Variants in TFB1M observed in about 807,000 individuals in gnomAD.
TFB1M encodes dimethyladenosine transferase 1, mitochondrial.
A neutral mutation model predicts 31.1 loss-of-function variants in TFB1M; 27 were observed. That is an observed-to-expected ratio of 0.87 (90% CI 0.64 to 1.20). The LOEUF (loss-of-function observed/expected upper bound fraction) is 1.20, where lower values mean the gene tolerates loss of function less well. Among genes scored for constraint, TFB1M ranks in the 50% most tolerant of loss-of-function variants. The pLI is 0.00. For missense variants in TFB1M, 394 were observed against 418.7 expected (o/e 0.94, Z 0.51); for synonymous variants, 166 against 151.8 (o/e 1.09, Z -0.69).
At chr6:155,270,200 G>A (rs1784857341) in intron 5 of TFB1M, among the ~76,000 whole-genome samples, 1 of 152,210 alleles carries the variant, frequency 6.6e-6, no homozygotes, top group Non-Finnish European at 1.5e-5. Flanking sequence ...AGAACAGTTT[G>A]GGAATGGTCA....
Position 155,257,642 on chromosome 6 carries a change from T to C in TFB1M, c.*194A>G. On this transcript the variant is annotated 3_prime_UTR_variant, in exon 7 of 7. Transcript: ENST00000367166. ...TCATAACTATCTATACAGTATATAT[T>C]AAAAGAAAGCTTGTACTGTATCTTA... 1 of 617,454 alleles carries C rather than the reference T, an allele frequency of 1.6e-6. No individual in the cohort carries two copies. Among genetic ancestry groups the C allele is most frequent in the South Asian group, 2.0e-5 (1 of 50,124 alleles). The allele number at this position is 617,454 out of a possible 1,614,324, so 38.2% of individuals were successfully genotyped here.
the TFB1M span, among the ~76,000 whole-genome samples, chr6:155,249,567 A>G: frequency 6.6e-6 from 1 of 152,260 alleles, no homozygotes; most frequent in Non-Finnish European, 1.5e-5. Context: ...ATCCTTGCTA[A>G]GTAGAAAGTG....
the TFB1M span, among the ~76,000 whole-genome samples, chr6:155,245,970 T>C: frequency 6.6e-6 from 1 of 152,166 alleles, no homozygotes. Flanking sequence ...GTCACTTTGC[T>C]GTCAGTTACA....
intron 6 of TFB1M, among the ~76,000 whole-genome samples, chr6:155,258,925 G>A (rs1416865513): frequency 6.6e-6 from 1 of 152,188 alleles, no homozygotes; most frequent in Non-Finnish European, 1.5e-5. Context: ...TCTAATATCT[G>A]AAGAACACCA....
chr6:155,302,000 TA>T (rs948322907), intron 2 of TFB1M, among the ~76,000 whole-genome samples: 2 of 151,714 alleles, frequency 1.3e-5, no homozygotes, highest in African/African-American at 2.4e-5. Flanking sequence ...TGTGGCCATT[TA>T]AAAAAAAATC....
chr6:155,232,187 C>T, the TFB1M span, among the ~76,000 whole-genome samples: 2 of 152,086 alleles, frequency 1.3e-5, no homozygotes, highest in Non-Finnish European at 2.9e-5. Flanking sequence ...GGGGATAATA[C>T]TAGATCTTTC....
chr6:155,260,740 T>C (rs1179099623), intron 5 of TFB1M: 3 of 358,488 alleles, frequency 8.4e-6, no homozygotes, highest in Non-Finnish European at 1.6e-5. Context: ...ATTAGAATAT[T>C]TTAGTTTTTG....
Position 155,291,758 on chromosome 6 carries a change from T to C in TFB1M, c.546+5195A>G, listed in dbSNP as rs114271519. Among the ~76,000 whole-genome samples, 1,199 of 152,280 alleles carry C rather than the reference T, an allele frequency of 7.9e-3. 16 individuals are homozygous for C. Among genetic ancestry groups the C allele is most frequent in the African/African-American group, 0.027 (1,139 of 41,558 alleles). Reference sequence around the variant, plus strand: ...GTGACAACCAAAAACATGTCAGACATTGCCAAATGCCCCTGAGGAGCAGAT... The same window carrying C: ...GTGACAACCAAAAACATGTCAGACACTGCCAAATGCCCCTGAGGAGCAGAT... On this transcript the variant is annotated intron_variant, in intron 4 of 6. Coordinates refer to ENST00000367166, the MANE Select transcript of TFB1M (RefSeq NM_016020.4).
intron 5 of TFB1M, among the ~76,000 whole-genome samples, chr6:155,281,011 T>C (rs901111175): frequency 6.6e-6 from 1 of 152,254 alleles, no homozygotes; most frequent in Non-Finnish European, 1.5e-5. Flanking sequence ...TTGTTCTATA[T>C]ACCACACTTC....
At chr6:155,235,655 C>A in the TFB1M span, among the ~76,000 whole-genome samples, 3 of 152,234 alleles carry the variant, frequency 2.0e-5, no homozygotes, top group Non-Finnish European at 4.4e-5. Context: ...GTAATCCTCA[C>A]CAACTCCCTT....
chr6:155,275,387 G>C (rs1208347402), intron 5 of TFB1M, among the ~76,000 whole-genome samples: 1 of 152,132 alleles, frequency 6.6e-6, no homozygotes, highest in Non-Finnish European at 1.5e-5. Flanking sequence ...AAAGAATTAA[G>C]TGGGCAACTG....
At chr6:155,240,688 C>T in the TFB1M span, 1 of 1,612,970 alleles carries the variant, frequency 6.2e-7, no homozygotes, top group Non-Finnish European at 8.5e-7. Context: ...AGCTTGTGGA[C>T]ACAGAGAAGT....
Position 155,260,412 on chromosome 6 carries a change from G to T in TFB1M, c.667-12C>A. ...ACGCCCACGTCCACCTTCGTTGTAA[G>T]CAAACATATTATCATTCTGTGGCAT... On this transcript the variant is annotated splice_polypyrimidine_tract_variant and intron_variant, in intron 5 of 6. Transcript: ENST00000367166. The T allele has an allele frequency of 6.2e-7, 1 of 1,614,166 alleles. No homozygotes were observed. The highest frequency in any genetic ancestry group is 8.5e-7 in the Non-Finnish European group (1 of 1,180,026).
the TFB1M span, among the ~76,000 whole-genome samples, chr6:155,238,645 A>T: frequency 2.5e-4 from 38 of 152,374 alleles, no homozygotes; most frequent in African/African-American, 7.9e-4. Flanking sequence ...TCCCTCCAGG[A>T]CATGTTACAA....
chr6:155,246,466 C>A, the TFB1M span, among the ~76,000 whole-genome samples: 14 of 152,220 alleles, frequency 9.2e-5, no homozygotes, highest in East Asian at 2.7e-3. Context: ...CCCACAAACA[C>A]CCTCTTTTTA....
downstream of TFB1M, chr6:155,254,066 A>G: frequency 1.2e-6 from 2 of 1,612,464 alleles, no homozygotes; most frequent in Non-Finnish European, 1.7e-6. Flanking sequence ...TGCAGGTATG[A>G]CTGACTTCCA....
Position 155,257,382 on chromosome 6 carries a change from A to AAATT in TFB1M, c.*450_*453dup, listed in dbSNP as rs933584491. The AAATT allele has an allele frequency of 1.8e-5, 8 of 432,438 alleles. No homozygotes were observed. The highest frequency in any genetic ancestry group is 1.2e-4 in the African/African-American group (6 of 48,238). The allele number at this position is 432,438 out of a possible 1,614,324, so 26.8% of individuals were successfully genotyped here. ...GGTATCAAATGATTTAGGATCCTTAAAATTACATTCTAATAATTAAGTTAT... is the reference window on the plus strand; with the variant it reads ...GGTATCAAATGATTTAGGATCCTTAAAATTAATTACATTCTAATAATTAAGTTAT... On this transcript the variant is annotated 3_prime_UTR_variant, in exon 7 of 7. Transcript: ENST00000367166.
At chr6:155,261,748 A>G (rs1784404127) in intron 5 of TFB1M, among the ~76,000 whole-genome samples, 1 of 152,088 alleles carries the variant, frequency 6.6e-6, no homozygotes, top group African/African-American at 2.4e-5. Context: ...ACTGGATGGA[A>G]TGGGAAATAG....
intron 5 of TFB1M, chr6:155,275,971 G>A: frequency 1.2e-6 from 2 of 1,614,184 alleles, no homozygotes; most frequent in Non-Finnish European, 1.7e-6. Context: ...GAGCCACCAT[G>A]GTCCTGGCGT....
Sources: gnomAD v4.1 joint callset for allele counts (sites outside exome capture counted in the v4.1 genomes callset) on GRCh38, gnomAD v4.1.1 for gene constraint, MANE v1.5 for transcripts, NCBI Gene and HGNC (gene_info 2026-07-23, HGNC 2026-07-21) for gene names.